The following NGFR variants were observed in gnomAD, a reference collection of about 807,000 sequenced individuals.
NGFR encodes the protein tumor necrosis factor receptor superfamily member 16.
Under a neutral mutation model 43.2 loss-of-function variants are expected in NGFR, and 30 were observed. The ratio of observed to expected loss-of-function variants is 0.69; its 90% CI spans 0.52 to 0.94. NGFR has a LOEUF of 0.94. Among genes scored for constraint, NGFR ranks in the 40% least tolerant of loss-of-function variants. The pLI is 0.00. For synonymous variants in NGFR, 246 were observed against 259.6 expected, an observed-to-expected ratio of 0.95 and a Z score of 0.50; for missense variants, 529 against 602.5, an observed-to-expected ratio of 0.88 and a Z score of 1.28.
chr17:49,508,649 A>G (rs977763568), intron 3 of NGFR, among the ~76,000 whole-genome samples: 6 of 152,202 alleles, frequency 3.9e-5, no homozygotes, highest in African/African-American at 1.4e-4. Context: ...TTGAATAGGG[A>G]TAACCTGGTC....
chr17:49,506,659 G>GT lies in NGFR; in HGVS notation c.568+2dup. ...CGCTGGGCCGACGCCGAGTGCGAGGGTGAGTGCGGTTCGGGGGGCGGGGGG... is the reference window on the plus strand; with the variant it reads ...CGCTGGGCCGACGCCGAGTGCGAGGGTTGAGTGCGGTTCGGGGGGCGGGGGG... On this transcript the variant is annotated splice_donor_variant, in intron 3 of 5. Transcript: ENST00000172229. LOFTEE classifies it high-confidence loss of function. The GT allele has an allele frequency of 2.7e-6, 4 of 1,491,140 alleles. No individual in the cohort carries two copies. The highest frequency in any genetic ancestry group is 3.6e-6 in the Non-Finnish European group (4 of 1,117,618). The allele number at this position is 1,491,140 out of a possible 1,614,324, so 92.4% of individuals were successfully genotyped here.
chr17:49,500,999 C>T (rs536016725), intron 1 of NGFR, among the ~76,000 whole-genome samples: 1 of 152,356 alleles, frequency 6.6e-6, no homozygotes, highest in East Asian at 1.9e-4. Context: ...AAAGCCCATA[C>T]TTCTCAGCAT....
At chr17:49,501,999 A>AGGGCCCCCCCCCCCCCCCCCCCCC in intron 1 of NGFR, 64 bp from the exon 2 acceptor site, 2 of 330,984 alleles carry the variant, frequency 6.0e-6, no homozygotes, top group East Asian at 6.4e-5. Context: ...TCCCCGGAAG[A>AGGGCCCCCCCCCCCCCCCCCCCCC]ACCCCCCCCA....
intron 3 of NGFR, among the ~76,000 whole-genome samples, chr17:49,507,421 G>T (rs1225653737): frequency 6.6e-6 from 1 of 152,168 alleles, no homozygotes; most frequent in Admixed American, 6.5e-5. Flanking sequence ...GGGCAGACCT[G>T]GGGCTCAAAA....
chr17:49,506,462 G>A lies in NGFR; in HGVS notation c.372G>A (p.Ala124=), dbSNP rs140228242. ...YQDETTGRCE[A]CRVCEAGSGL... is the part of the protein sequence containing the mutation. ...ATGAGACGACTGGGCGCTGCGAGGC[G>A]TGCCGCGTGTGCGAGGCGGGCTCGG... The change falls in exon 3 of 6, where the codon GCG becomes GCA. Residue 124 remains alanine (A), a synonymous_variant. Transcript: ENST00000172229. 3.6e-5 allele frequency: 58 copies of A among 1,609,134 alleles called. No homozygotes were observed. Among genetic ancestry groups the A allele is most frequent in the East Asian group, 1.8e-4 (8 of 44,826 alleles).
chr17:49,513,169 T>G lies in NGFR; in HGVS notation c.*160T>G. 2.8e-6 allele frequency: 2 copies of G among 717,518 alleles called. No individual in the cohort carries two copies. The highest frequency in any genetic ancestry group is 4.4e-6 in the Non-Finnish European group (2 of 449,870). The allele number at this position is 717,518 out of a possible 1,614,324, so 44.4% of individuals were successfully genotyped here. A position where few individuals can be genotyped will look rare whatever the true frequency, so the allele number is the denominator to read the frequency against. ...AGTCCAGGCCCCAAAACCACAGCCCTGTCAGTGCAGCCCGTGTGGCCCCTT... is the reference window on the plus strand; with the variant it reads ...AGTCCAGGCCCCAAAACCACAGCCCGGTCAGTGCAGCCCGTGTGGCCCCTT... On this transcript the variant is annotated 3_prime_UTR_variant, in exon 6 of 6. Transcript: ENST00000172229.
intron 1 of NGFR, among the ~76,000 whole-genome samples, chr17:49,500,983 G>A (rs1255037551): frequency 6.6e-6 from 1 of 152,210 alleles, no homozygotes; most frequent in Non-Finnish European, 1.5e-5. Context: ...CTGGTCCCAC[G>A]ACCCCAAAGC....
chr17:49,512,985 G>C lies in NGFR; in HGVS notation c.1260G>C (p.Glu420Asp). The change falls in exon 6 of 6, where the codon GAG (glutamate) becomes GAC (aspartate). Residue 420 changes from glutamate to aspartate, a missense_variant. Physicochemically the swap from Glu to Asp is conservative, Grantham distance 45. Coordinates refer to ENST00000172229, the MANE Select transcript of NGFR (RefSeq NM_002507.4). This position sits in a 1 kb window ranked among gnomAD's most constrained non-coding sequence, Gnocchi z 5.2. ...RADLVESLCS[E>D]STATSPV The stretch of plus-strand genomic sequence containing the variant: ...ACCTCGTGGAGAGTCTGTGCAGTGA[G>C]TCCACTGCCACATCCCCGGTGTGAG... The C allele has an allele frequency of 6.3e-7, 1 of 1,587,234 alleles. No homozygotes were observed. Among genetic ancestry groups the C allele is most frequent in the South Asian group, 1.1e-5 (1 of 88,626 alleles).
At chr17:49,500,053 T>TA (rs79269804) in intron 1 of NGFR, among the ~76,000 whole-genome samples, 14,700 of 132,164 alleles carry the variant, frequency 0.11, 1,577 homozygotes, top group African/African-American at 0.3. Flanking sequence ...AAAGCTATAT[T>TA]AAAAAAAAAA....
chr17:49,502,001 C>CCCCCCCCCA, intron 1 of NGFR, 62 bp from the exon 2 acceptor site: 1 of 221,818 alleles, frequency 4.5e-6, no homozygotes, highest in South Asian at 5.3e-5. Context: ...CCCGGAAGAA[C>CCCCCCCCCA]CCCCCCCAAC....
chr17:49,506,542 A>T lies in NGFR; in HGVS notation c.452A>T (p.Asp151Val), dbSNP rs1276436778. The change falls in exon 3 of 6, where the codon GAC becomes GTC. Residue 151 changes from aspartate to valine, a missense_variant. By Grantham distance (152) the Asp-to-Val change is radical. Transcript: ENST00000172229. ...AACACCGTGTGCGAGGAGTGCCCCG[A>T]CGGCACGTATTCCGACGAGGCCAAC... ...KQNTVCEECP[D>V]GTYSDEANHV... 1 of 1,611,552 alleles carries T rather than the reference A, an allele frequency of 6.2e-7. No individual in the cohort carries two copies. The highest frequency in any genetic ancestry group is 1.7e-5 in the Admixed American group (1 of 59,948).
At chr17:49,511,519 GT>G (rs761370884) in intron 4 of NGFR, among the ~76,000 whole-genome samples, 2,885 of 141,438 alleles carry the variant, frequency 0.02, 78 homozygotes, top group African/African-American at 0.066. Context: ...ATGGACATTT[GT>G]TTTTTTTTTT....
intron 3 of NGFR, 29 bp downstream of exon 3, chr17:49,506,687 T>TGGG: frequency 2.8e-4 from 36 of 128,648 alleles, no homozygotes; most frequent in South Asian, 3.4e-4. Flanking sequence ...GCGGGGGGAG[T>TGGG]GGGGGTGCGG....
At chr17:49,506,171 G>A in intron 2 of NGFR, 128 bp from the exon 3 acceptor site, 5 of 1,463,774 alleles carry the variant, frequency 3.4e-6, no homozygotes, top group African/African-American at 1.4e-5. Flanking sequence ...AAGAGGGTGG[G>A]AGCCGATGAG....
intron 4 of NGFR, among the ~76,000 whole-genome samples, chr17:49,511,571 C>G (rs1255743758): frequency 6.7e-6 from 1 of 149,494 alleles, no homozygotes; most frequent in African/African-American, 2.5e-5. Context: ...CAGAGGAAAT[C>G]CTTTTATATG....
chr17:49,510,350 G>T (rs2072445), intron 3 of NGFR, 62 bp from the exon 4 acceptor site: 146,550 of 1,593,668 alleles, frequency 0.092, 7,234 homozygotes, highest in South Asian at 0.14. Context: ...ACGGCAGTGG[G>T]TTAGAGCTAA....
rs143647225 is a variant in NGFR at position 49,499,121 on chromosome 17, G to A, written c.67-2942G>A. Among the ~76,000 whole-genome samples the A allele has an allele frequency of 5.5e-3, 837 of 152,236 alleles. 4 individuals are homozygous for A. The highest frequency in any genetic ancestry group is 8.6e-3 in the Non-Finnish European group (583 of 68,020). On this transcript the variant is annotated intron_variant, in intron 1 of 5. Coordinates refer to ENST00000172229, the MANE Select transcript of NGFR (RefSeq NM_002507.4). ...AGCAGATCTAGGATTTTACAACATA[G>A]GGAACATAAAACAAGGACAGGAAAT... is the stretch of plus-strand genomic sequence containing the variant.
chr17:49,500,748 C>T (rs1176997367), intron 1 of NGFR, among the ~76,000 whole-genome samples: 1 of 152,190 alleles, frequency 6.6e-6, no homozygotes, highest in African/African-American at 2.4e-5. Context: ...AAGGTTCCAC[C>T]TCCTCTGTTG....
chr17:49,513,276 A>C lies in NGFR; in HGVS notation c.*267A>C. The C allele has an allele frequency of 6.3e-6, 3 of 472,950 alleles. No individual in the cohort carries two copies. The highest frequency in any genetic ancestry group is 3.7e-6 in the Non-Finnish European group (1 of 267,612). The allele number at this position is 472,950 out of a possible 1,614,324, so 29.3% of individuals were successfully genotyped here. ...CCTGCCCCTGCCCCGTCACCATCTCAGGCCACCTGCCCCCTTCTCCCACAC... is the reference window on the plus strand; with the variant it reads ...CCTGCCCCTGCCCCGTCACCATCTCCGGCCACCTGCCCCCTTCTCCCACAC... On this transcript the variant is annotated 3_prime_UTR_variant, in exon 6 of 6. Transcript: ENST00000172229.
Sources: allele counts gnomAD v4.1 joint callset (sites outside exome capture counted in the v4.1 genomes callset), GRCh38; gene constraint gnomAD v4.1.1; non-coding constraint Gnocchi (gnomAD v3.1); transcripts MANE v1.5; gene names NCBI Gene and HGNC (gene_info 2026-07-23, HGNC 2026-07-21).